TPO: variants seen among roughly 807,000 people sequenced by gnomAD.
The protein encoded by TPO is thyroid microsomal antigen.
A neutral mutation model predicts 96.9 loss-of-function variants in TPO; 78 were observed. The observed-to-expected ratio is 0.81, with a 90% CI of 0.67 to 0.97. The LOEUF is 0.97. TPO is among the 50% of genes least tolerant of loss of function. The pLI, the probability that TPO is intolerant of heterozygous loss-of-function variation, is 0.00. For missense variants in TPO, 1,252 were observed against 1,274.8 expected (o/e 0.98, Z 0.27); for synonymous variants, 547 against 538.0 (o/e 1.02, Z -0.23).
intron 1 of TPO, among the ~76,000 whole-genome samples, chr2:1,387,482 CT>C (rs1661921741): frequency 6.6e-6 from 1 of 152,168 alleles, no homozygotes; most frequent in Non-Finnish European, 1.5e-5. Context: ...CACTGATACC[CT>C]TTCTTCCAGT....
chr2:1,450,603 T>C (rs1205179332), intron 5 of TPO, among the ~76,000 whole-genome samples: 1 of 152,206 alleles, frequency 6.6e-6, no homozygotes, highest in Admixed American at 6.5e-5. Context: ...GATCAAAGTC[T>C]CAGAGGGACC....
intron 1 of TPO, among the ~76,000 whole-genome samples, chr2:1,381,595 G>A (rs373997309): frequency 3.3e-5 from 5 of 152,062 alleles, no homozygotes; most frequent in African/African-American, 7.3e-5. Flanking sequence ...AAACCATATC[G>A]GACAACTTAT....
intron 14 of TPO, among the ~76,000 whole-genome samples, chr2:1,514,886 G>GT (rs1674523086): frequency 6.6e-6 from 1 of 152,198 alleles, no homozygotes; most frequent in Non-Finnish European, 1.5e-5. Context: ...CGTCCCTGCT[G>GT]TGGGTCTGCC....
At chr2:1,528,646 A>AACTCCTCAAACCCCCCC (rs1677202014) in intron 15 of TPO, among the ~76,000 whole-genome samples, 1 of 115,596 alleles carries the variant, frequency 8.7e-6, no homozygotes, top group African/African-American at 3.6e-5. Context: ...ACTGTGTGCA[A>AACTCCTCAAACCCCCCC]CCTCACCACA....
chr2:1,450,861 C>T lies in TPO; in HGVS notation c.483-2833C>T, dbSNP rs540957767. 4.6e-5 allele frequency among the ~76,000 whole-genome samples: 7 copies of T among 152,310 alleles called. No homozygotes were observed. In the South Asian group the frequency reaches 1.0e-3, roughly 23 times the overall value. ...TTCAATAAAGACAAACCAACCATAA[C>T]GAATCTGAACACTTTATTAAAGCAA... On this transcript the variant is annotated intron_variant, in intron 5 of 16. Transcript: ENST00000329066.
intron 7 of TPO, among the ~76,000 whole-genome samples, chr2:1,463,951 G>A (rs534583902): frequency 1.3e-5 from 2 of 152,286 alleles, no homozygotes; most frequent in East Asian, 1.9e-4. Flanking sequence ...GGTTACATGA[G>A]TAAGTTCTTT....
chr2:1,442,624 T>G (rs17091682), intron 5 of TPO, among the ~76,000 whole-genome samples: 8,600 of 152,280 alleles, frequency 0.056, 326 homozygotes, highest in East Asian at 0.12. Context: ...CACATTCCCA[T>G]GCATAATGGA....
At chr2:1,528,133 C>T (rs1476910885) in intron 15 of TPO, among the ~76,000 whole-genome samples, 31 of 138,756 alleles carry the variant, frequency 2.2e-4, no homozygotes, top group Non-Finnish European at 2.0e-4. Context: ...TCCTCAAATC[C>T]CCGCACTGTG....
chr2:1,387,051 C>G (rs1239317995), intron 1 of TPO, among the ~76,000 whole-genome samples: 1 of 152,212 alleles, frequency 6.6e-6, no homozygotes, highest in Non-Finnish European at 1.5e-5. Context: ...CCACTCTCTT[C>G]TGGCTTGTAG....
intron 1 of TPO, among the ~76,000 whole-genome samples, chr2:1,388,318 C>T (rs1029235790): frequency 1.3e-5 from 2 of 152,222 alleles, no homozygotes; most frequent in Non-Finnish European, 2.9e-5. Flanking sequence ...GTGGAGTCTA[C>T]AGAGGCAGGC....
Position 1,493,944 on chromosome 2 carries a change from A to C in TPO, c.1911A>C (p.Gly637=), listed in dbSNP as rs527754964. The C allele has an allele frequency of 6.2e-7, 1 of 1,614,128 alleles. No homozygotes were observed. The highest frequency in any genetic ancestry group is 1.1e-5 in the South Asian group (1 of 91,080). The change falls in exon 11 of 17, where the codon GGA becomes GGC. Residue 637 remains glycine, a synonymous_variant. Transcript: ENST00000329066. ...CTGACAACATCGATGTCTGGCTGGGAGGCTTAGCTGAAAACTTCCTCCCCA... is the reference window on the plus strand; with the variant it reads ...CTGACAACATCGATGTCTGGCTGGGCGGCTTAGCTGAAAACTTCCTCCCCA... ...KHPDNIDVWL[G]GLAENFLPRA... is the part of the protein sequence containing the mutation.
At chr2:1,461,092 C>A (rs13394194) in intron 7 of TPO, among the ~76,000 whole-genome samples, 10,156 of 152,150 alleles carry the variant, frequency 0.067, 567 homozygotes, top group African/African-American at 0.14. Flanking sequence ...CACGGGTAGC[C>A]CTGAGGCCAG....
chr2:1,503,396 G>T (rs1673066020), intron 13 of TPO, among the ~76,000 whole-genome samples: 1 of 152,208 alleles, frequency 6.6e-6, no homozygotes, highest in Admixed American at 6.5e-5. Flanking sequence ...AACATTATTT[G>T]AACAAAATGT....
Position 1,542,457 on chromosome 2 carries a change from C to T in TPO, c.2785C>T (p.Leu929=), listed in dbSNP as rs781377491. ...AGMEGRDTHR[L]PRAL The stretch of plus-strand genomic sequence containing the variant: ...GATGGAAGGCCGGGATACTCACAGG[C>T]TGCCGAGAGCCCTCTGAGGGCAAAG... Residue 929 remains leucine, a synonymous_variant, in exon 17 of 17, where the codon CTG becomes TTG. Coordinates refer to ENST00000329066, the MANE Select transcript of TPO (RefSeq NM_001206744.2). 3.1e-6 allele frequency: 5 copies of T among 1,614,214 alleles called. No individual in the cohort carries two copies. The South Asian group carries it at 4.4e-5, about 14-fold the overall frequency.
intron 14 of TPO, among the ~76,000 whole-genome samples, chr2:1,515,437 C>A (rs1428165833): frequency 1.3e-5 from 2 of 152,092 alleles, no homozygotes; most frequent in Non-Finnish European, 2.9e-5. Context: ...TTAGAGGAGC[C>A]CAGGAGGAAA....
rs867158082 is a variant in TPO, at chr2:1,526,280, A to C, written c.2618+9298A>C. ...TGTGAGCAACCACCCCAGTCCCCCC[A>C]CAGTGTGCAAACACCCCACATCTCC... On this transcript the variant is annotated intron_variant, in intron 15 of 16. Coordinates refer to ENST00000329066, the MANE Select transcript of TPO (RefSeq NM_001206744.2). Among the ~76,000 whole-genome samples the C allele has an allele frequency of 9.2e-3, 495 of 54,004 alleles. 5 individuals are homozygous for C. Among genetic ancestry groups the C allele is most frequent in the African/African-American group, 0.036 (453 of 12,702 alleles). The allele number at this position is 54,004 out of a possible 152,430, so 35.4% of individuals were successfully genotyped here.
chr2:1,390,905 C>A (rs189877700), intron 1 of TPO, among the ~76,000 whole-genome samples: 2 of 152,020 alleles, frequency 1.3e-5, no homozygotes, highest in African/African-American at 4.8e-5. Flanking sequence ...AATTTGTTTG[C>A]ATTCTTTGTA....
chr2:1,504,235 C>A (rs116363953), intron 14 of TPO, among the ~76,000 whole-genome samples, 156 bp downstream of exon 14: 5 of 152,216 alleles, frequency 3.3e-5, no homozygotes, highest in East Asian at 1.9e-4. Flanking sequence ...GGGGCGTCTG[C>A]GCTGTGCTGG....
intron 4 of TPO, among the ~76,000 whole-genome samples, chr2:1,434,224 G>C (rs991261623): frequency 6.6e-6 from 1 of 152,182 alleles, no homozygotes; most frequent in Non-Finnish European, 1.5e-5. Context: ...AGTCATATTG[G>C]TGCTTCCTAT....
Sources: gnomAD v4.1 joint callset for allele counts (sites outside exome capture counted in the v4.1 genomes callset) on GRCh38, gnomAD v4.1.1 for gene constraint, MANE v1.5 for transcripts, NCBI Gene and HGNC (gene_info 2026-07-23, HGNC 2026-07-21) for gene names.